MTAP: variants seen among roughly 807,000 people sequenced by gnomAD.
The protein encoded by MTAP is S-methyl-5'-thioadenosine phosphorylase.
MTAP carries 33 observed loss-of-function variants against 33.6 expected under a neutral mutation model. The ratio of observed to expected loss-of-function variants is 0.98; its 90% CI spans 0.74 to 1.31. The LOEUF (loss-of-function observed/expected upper bound fraction) is 1.31. Ranked by LOEUF, MTAP falls within the 40% of genes most tolerant of loss-of-function variation. The pLI is 0.00. For synonymous variants in MTAP, 148 were observed against 125.7 expected, an observed-to-expected ratio of 1.18 and a Z score of -1.19; for missense variants, 367 against 360.0, an observed-to-expected ratio of 1.02 and a Z score of -0.16.
At chr9:21,803,053 C>T in intron 1 of MTAP, 1 of 988,490 alleles carries the variant, frequency 1.0e-6, no homozygotes, top group Non-Finnish European at 1.4e-6. Flanking sequence ...TTTGGCTTAT[C>T]TGCACCCGCA....
chr9:21,895,923 T>A, intron 1 of MTAP, among the ~76,000 whole-genome samples: 1 of 152,170 alleles, frequency 6.6e-6, no homozygotes, highest in Non-Finnish European at 1.5e-5. Flanking sequence ...AATAGACATC[T>A]ACAGAACTCT....
At chr9:21,907,890 C>T (rs1298810510) in intron 1 of MTAP, among the ~76,000 whole-genome samples, 2 of 152,000 alleles carry the variant, frequency 1.3e-5, no homozygotes, top group African/African-American at 4.8e-5. Flanking sequence ...ATAGACTGAT[C>T]TTGGGCACCC....
intron 7 of MTAP, chr9:21,861,411 C>G (rs1031105338): frequency 8.5e-5 from 13 of 152,754 alleles, no homozygotes; most frequent in African/African-American, 3.1e-4. Flanking sequence ...CTAGACAAAA[C>G]TGAGAATCTT....
chr9:21,808,151 G>C (rs984099444), intron 1 of MTAP, among the ~76,000 whole-genome samples: 1 of 152,352 alleles, frequency 6.6e-6, no homozygotes, highest in African/African-American at 2.4e-5. Flanking sequence ...AGAATATTCA[G>C]ATGTCCACCG....
intron 6 of MTAP, 76 bp downstream of exon 6, chr9:21,854,946 T>C: frequency 6.5e-7 from 1 of 1,535,738 alleles, no homozygotes; most frequent in Non-Finnish European, 8.8e-7. Flanking sequence ...TGTTTGTTTC[T>C]ATTACGTTAG....
chr9:21,852,351 A>G (rs948956905), intron 5 of MTAP, among the ~76,000 whole-genome samples: 1 of 152,048 alleles, frequency 6.6e-6, no homozygotes, highest in African/African-American at 2.4e-5. Context: ...ACTAAAATAC[A>G]AAGAAAAGAA....
chr9:21,895,048 C>T (rs1818266516), intron 1 of MTAP, among the ~76,000 whole-genome samples: 1 of 152,130 alleles, frequency 6.6e-6, no homozygotes, highest in African/African-American at 2.4e-5. Context: ...AGTGGAAAAA[C>T]ATTCCGTGCT....
chr9:21,909,072 T>C (rs1818521722), intron 1 of MTAP, among the ~76,000 whole-genome samples: 1 of 152,120 alleles, frequency 6.6e-6, no homozygotes, highest in Non-Finnish European at 1.5e-5. Flanking sequence ...TTGTGTACTA[T>C]CTTTATTCCT....
chr9:21,850,319 A>G (rs747265370), intron 5 of MTAP, among the ~76,000 whole-genome samples: 5 of 152,206 alleles, frequency 3.3e-5, no homozygotes, highest in Non-Finnish European at 7.3e-5. Flanking sequence ...CTCTCCTGCA[A>G]CCAAGAAAGA....
At chr9:21,811,815 C>G in intron 1 of MTAP, 1 of 509,216 alleles carries the variant, frequency 2.0e-6, no homozygotes, top group Non-Finnish European at 4.0e-6. Flanking sequence ...TCTGAGATGC[C>G]CTTGATCAGA....
At chr9:21,814,111 T>C (rs1234203170) in intron 1 of MTAP, among the ~76,000 whole-genome samples, 1 of 152,226 alleles carries the variant, frequency 6.6e-6, no homozygotes, top group Non-Finnish European at 1.5e-5. Flanking sequence ...TCACAAATTA[T>C]GTAACCATGT....
At position 21,920,362 on chromosome 9, in the gene MTAP, C is replaced by G. The variant is rs1037342082; in HGVS notation, c.148-10646C>G. Among the ~76,000 whole-genome samples, 8 of 152,112 alleles carry G rather than the reference C, an allele frequency of 5.3e-5. No homozygotes were observed. The South Asian group carries it at 1.7e-3, about 32-fold the overall frequency. ...ATTAGAGCAATGAAAAGAGATTTTC[C>G]TTGGCCACTGCGTGACGCTTTTTTA... On this transcript the variant is annotated intron_variant, in intron 1 of 1. Coordinates refer to the MTAP transcript ENST00000577563.
At chr9:21,906,023 T>C (rs1166906348) in intron 1 of MTAP, among the ~76,000 whole-genome samples, 2 of 152,218 alleles carry the variant, frequency 1.3e-5, no homozygotes, top group Non-Finnish European at 2.9e-5. Context: ...GGTTACAAAT[T>C]GGCAGTATTT....
At chr9:21,846,318 T>C (rs1825380447) in intron 5 of MTAP, among the ~76,000 whole-genome samples, 2 of 151,080 alleles carry the variant, frequency 1.3e-5, no homozygotes, top group Non-Finnish European at 2.9e-5. Flanking sequence ...ATCAGTGGAA[T>C]AAATGACCAC....
At chr9:21,842,977 T>C in intron 5 of MTAP, among the ~76,000 whole-genome samples, 1 of 152,196 alleles carries the variant, frequency 6.6e-6, no homozygotes, top group Non-Finnish European at 1.5e-5. Flanking sequence ...AATGGCAGAA[T>C]GGATAAAAAT....
intron 4 of MTAP, among the ~76,000 whole-genome samples, chr9:21,821,593 G>T (rs533673383): frequency 0.011 from 1,715 of 151,134 alleles, 34 homozygotes; most frequent in African/African-American, 0.036. Flanking sequence ...TGTCTTTTTT[G>T]GTTGTGTCTC....
chr9:21,898,401 G>C lies in MTAP; in HGVS notation c.148-32607G>C, dbSNP rs562293141. 9.2e-5 allele frequency among the ~76,000 whole-genome samples: 14 copies of C among 152,276 alleles called. No individual in the cohort carries two copies. The South Asian group carries it at 1.5e-3, about 16-fold the overall frequency. On this transcript the variant is annotated intron_variant, in intron 1 of 1. Coordinates refer to the MTAP transcript ENST00000577563. ...ACAAATAGGATCTAATTAAACTAAA[G>C]AGCTTCTGCATAGCAAAAGAAACTA...
intron 1 of MTAP, among the ~76,000 whole-genome samples, chr9:21,872,489 G>T (rs1825952185): frequency 1.3e-5 from 2 of 152,106 alleles, no homozygotes; most frequent in South Asian, 2.1e-4. Context: ...TTCATTCATT[G>T]TTGATTCGGT....
intron 1 of MTAP, among the ~76,000 whole-genome samples, chr9:21,914,011 C>T (rs1472563017): frequency 6.6e-6 from 1 of 152,156 alleles, no homozygotes; most frequent in Non-Finnish European, 1.5e-5. Flanking sequence ...ATTTATGCAG[C>T]CAACAGACAT....
Sources: gnomAD v4.1 joint callset for allele counts (sites outside exome capture counted in the v4.1 genomes callset) on GRCh38, gnomAD v4.1.1 for gene constraint, MANE v1.5 for transcripts, NCBI Gene and HGNC (gene_info 2026-07-23, HGNC 2026-07-21) for gene names.